The following PTBP2 variants were observed in gnomAD, a reference collection of about 807,000 sequenced individuals.
The protein encoded by PTBP2 is polypyrimidine tract binding protein 2, also known as polypyrimidine tract-binding protein 2.
A neutral mutation model predicts 61.4 loss-of-function variants in PTBP2; 13 were observed. The observed-to-expected ratio is 0.21, with a 90% confidence interval of 0.14 to 0.34. The LOEUF is 0.34. PTBP2 is among the 10% of genes least tolerant of loss of function. The pLI is 1.00. For synonymous variants in PTBP2, 215 were observed against 218.5 expected (o/e 0.98, Z 0.14); for missense variants, 405 against 642.6 (o/e 0.63, Z 4.00).
In PTBP2 at chr1:96,777,966, T is replaced by A; in HGVS notation, c.708+20T>A. The A allele has an allele frequency of 7.1e-7, 1 of 1,404,022 alleles. No individual in the cohort carries two copies. The highest frequency in any genetic ancestry group is 9.8e-7 in the Non-Finnish European group (1 of 1,024,562). 87.0% of individuals were successfully genotyped at this position (1,404,022 alleles called of 1,614,324 possible). ...AAACTAGTAAGTCTTTCTTTTGAGA[T>A]GGTGATTTTTTTTTATTGAAATGTA... On this transcript the variant is annotated intron_variant, in intron 7 of 13. Coordinates refer to ENST00000674951, the MANE Select transcript of PTBP2 (RefSeq NM_021190.4).
At chr1:96,815,971 G>A (rs923607526), downstream of PTBP2, 3 of 152,196 alleles carry the variant, frequency 2.0e-5, no homozygotes, top group African/African-American at 7.2e-5. Flanking sequence ...TCAGTAATTA[G>A]TGGTGGCTAT....
intron 3 of PTBP2, among the ~76,000 whole-genome samples, chr1:96,763,610 G>A (rs1483436125): frequency 7.8e-6 from 1 of 127,420 alleles, no homozygotes; most frequent in Non-Finnish European, 1.7e-5. Flanking sequence ...GAGGGAGGGG[G>A]AGGGGGAGGG....
chr1:96,759,097 A>T (rs1655493299), intron 3 of PTBP2, among the ~76,000 whole-genome samples: 1 of 152,178 alleles, frequency 6.6e-6, no homozygotes, highest in Non-Finnish European at 1.5e-5. Context: ...TATGTAAGAC[A>T]TCTACACCAA....
chr1:96,790,467 A>G (rs1051322292), intron 8 of PTBP2, among the ~76,000 whole-genome samples: 3 of 152,068 alleles, frequency 2.0e-5, no homozygotes, highest in African/African-American at 7.2e-5. Flanking sequence ...TGCCTTAATT[A>G]ATTTCACTAG....
At chr1:96,747,027 T>C (rs966684184) in intron 2 of PTBP2, among the ~76,000 whole-genome samples, 32 of 151,378 alleles carry the variant, frequency 2.1e-4, no homozygotes, top group African/African-American at 7.5e-4. Context: ...ATACAAGTGA[T>C]CCTGTCAGCC....
intron 2 of PTBP2, among the ~76,000 whole-genome samples, chr1:96,731,375 A>T (rs987112293): frequency 1.3e-5 from 2 of 152,132 alleles, no homozygotes; most frequent in African/African-American, 4.8e-5. Context: ...TTTACACTAA[A>T]AATTATTTTG....
intron 11 of PTBP2, among the ~76,000 whole-genome samples, chr1:96,808,075 C>G (rs185919724): frequency 1.3e-5 from 2 of 151,910 alleles, no homozygotes; most frequent in African/African-American, 4.8e-5. Context: ...GTATGGGTGG[C>G]ATTGTGTCAT....
At chr1:96,766,556 A>T (rs1238549684) in intron 3 of PTBP2, among the ~76,000 whole-genome samples, 1 of 151,910 alleles carries the variant, frequency 6.6e-6, no homozygotes, top group African/African-American at 2.4e-5. Context: ...CCATTTTTGG[A>T]CCCTTTTTCG....
chr1:96,722,219 G>A (rs1649683256), intron 1 of PTBP2, among the ~76,000 whole-genome samples: 1 of 152,112 alleles, frequency 6.6e-6, no homozygotes, highest in Non-Finnish European at 1.5e-5. Context: ...ATTTCGATCC[G>A]TACCTTGGGA....
At chr1:96,795,827 T>G (rs1660323993) in intron 8 of PTBP2, among the ~76,000 whole-genome samples, 1 of 152,154 alleles carries the variant, frequency 6.6e-6, no homozygotes, top group African/African-American at 2.4e-5. Context: ...AGTGAGGCAG[T>G]ATGTATAATC....
At chr1:96,798,865 C>A (rs180779438) in intron 8 of PTBP2, among the ~76,000 whole-genome samples, 1 of 152,256 alleles carries the variant, frequency 6.6e-6, no homozygotes, top group African/African-American at 2.4e-5. Flanking sequence ...GTTTGTAAAT[C>A]TAAACCTTTT....
At chr1:96,791,707 C>T (rs968999964) in intron 8 of PTBP2, among the ~76,000 whole-genome samples, 1 of 151,998 alleles carries the variant, frequency 6.6e-6, no homozygotes, top group African/African-American at 2.4e-5. Flanking sequence ...TAAAGTTTGG[C>T]TCCACTATCA....
chr1:96,759,241 A>G (rs977021748), intron 3 of PTBP2, among the ~76,000 whole-genome samples: 3 of 152,242 alleles, frequency 2.0e-5, no homozygotes, highest in Non-Finnish European at 4.4e-5. Context: ...ATAAAGACTT[A>G]TAAATTGAGA....
At chr1:96,800,829 A>G (rs946043701) in intron 8 of PTBP2, among the ~76,000 whole-genome samples, 5 of 150,342 alleles carry the variant, frequency 3.3e-5, no homozygotes, top group African/African-American at 1.2e-4. Context: ...TTAATTCTCA[A>G]TTACTATTTT....
intron 7 of PTBP2, among the ~76,000 whole-genome samples, chr1:96,778,386 C>CTT (rs34377452): frequency 1.7e-4 from 25 of 150,850 alleles, no homozygotes; most frequent in African/African-American, 4.6e-4. Context: ...TCTTTAATGT[C>CTT]TTTTTTTTAA....
rs968566009 is a variant in PTBP2, at chr1:96,721,828, C to T, written c.-37C>T. 1.9e-6 allele frequency: 3 copies of T among 1,556,850 alleles called. No individual in the cohort carries two copies. Among genetic ancestry groups the T allele is most frequent in the Non-Finnish European group, 2.6e-6 (3 of 1,150,188 alleles). On this transcript the variant is annotated 5_prime_UTR_variant, in exon 1 of 14. Coordinates refer to ENST00000674951, the MANE Select transcript of PTBP2 (RefSeq NM_021190.4). ...CTTGTGTGGCTCGCTGGCTGCGTGG[C>T]TCGGTTCTTGTGAGCGAAGCTTTGT...
At chr1:96,799,987 T>G (rs2101153737) in intron 8 of PTBP2, among the ~76,000 whole-genome samples, 1 of 152,318 alleles carries the variant, frequency 6.6e-6, no homozygotes. Context: ...TTTAGAACGG[T>G]GTAAAGATAG....
intron 2 of PTBP2, among the ~76,000 whole-genome samples, chr1:96,725,606 C>G (rs915945612): frequency 1.3e-5 from 2 of 151,856 alleles, no homozygotes; most frequent in Non-Finnish European, 2.9e-5. Context: ...AATTGCAAAT[C>G]GTTTTTAAAA....
chr1:96,805,634 A>G (rs994694316), intron 9 of PTBP2, among the ~76,000 whole-genome samples: 2 of 152,134 alleles, frequency 1.3e-5, no homozygotes, highest in African/African-American at 4.8e-5. Flanking sequence ...AAATGTGGGA[A>G]GCTCAGTGTA....
Sources: allele counts gnomAD v4.1 joint callset (sites outside exome capture counted in the v4.1 genomes callset), GRCh38; gene constraint gnomAD v4.1.1; transcripts MANE v1.5; gene names NCBI Gene and HGNC (gene_info 2026-07-23, HGNC 2026-07-21).